Variants in ZNF438 observed in about 807,000 individuals in gnomAD.
ZNF438 encodes zinc finger protein 438.
Under a neutral mutation model 38.0 loss-of-function variants are expected in ZNF438, and 25 were observed. That is an observed-to-expected ratio of 0.66 (90% CI 0.48 to 0.92). The LOEUF (loss-of-function observed/expected upper bound fraction) is 0.92. ZNF438 is among the 40% of genes least tolerant of loss of function. ZNF438 has a pLI of 0.00. For synonymous variants in ZNF438, 372 were observed against 364.1 expected (o/e 1.02, Z -0.25); for missense variants, 1,007 against 999.6 (o/e 1.01, Z -0.10).
intron 1 of ZNF438, among the ~76,000 whole-genome samples, chr10:30,975,192 C>T (rs1489628065): frequency 6.6e-6 from 1 of 152,180 alleles, no homozygotes; most frequent in Non-Finnish European, 1.5e-5. Context: ...CAAGACAAGA[C>T]TGAATGTCCT....
intron 2 of ZNF438, among the ~76,000 whole-genome samples, chr10:30,914,588 A>G (rs1246550477): frequency 6.6e-6 from 1 of 152,062 alleles, no homozygotes; most frequent in African/African-American, 2.4e-5. Flanking sequence ...TTGTAACTGC[A>G]TGCAAATTTA....
chr10:30,863,198 G>A (rs2035874327), intron 4 of ZNF438, among the ~76,000 whole-genome samples: 1 of 152,192 alleles, frequency 6.6e-6, no homozygotes, highest in Non-Finnish European at 1.5e-5. Flanking sequence ...ATTTCTGCTG[G>A]TAAGTCTTGA....
At chr10:30,883,098 G>A (rs922974787) in intron 3 of ZNF438, among the ~76,000 whole-genome samples, 4 of 152,070 alleles carry the variant, frequency 2.6e-5, no homozygotes, top group African/African-American at 9.7e-5. Context: ...ATTTATAGAA[G>A]ACAACATTTA....
At chr10:30,938,773 C>T (rs1016724602) in intron 2 of ZNF438, among the ~76,000 whole-genome samples, 5 of 135,478 alleles carry the variant, frequency 3.7e-5, no homozygotes, top group Non-Finnish European at 8.0e-5. Flanking sequence ...CCCAGGGAAG[C>T]AAACTTTATT....
intron 1 of ZNF438, among the ~76,000 whole-genome samples, chr10:30,980,367 T>C (rs1285711492): frequency 1.3e-5 from 2 of 151,880 alleles, no homozygotes; most frequent in East Asian, 3.9e-4. Flanking sequence ...AGGTGACTTA[T>C]GACAGTGACT....
exon 5 of ZNF438, chr10:30,848,618 G>A (rs1004984505): frequency 6.2e-7 from 1 of 1,614,188 alleles, no homozygotes. Context: ...CGCAGGCTCA[G>A]TGCTGATCAC....
At position 30,977,983 on chromosome 10, in the gene ZNF438, G is replaced by GA. The variant is rs775131546; in HGVS notation, c.-191-36333dup. 6.1e-3 allele frequency among the ~76,000 whole-genome samples: 815 copies of GA among 133,948 alleles called. 8 individuals carry two copies. Among genetic ancestry groups the GA allele is most frequent in the African/African-American group, 0.019 (703 of 36,562 alleles). The allele number at this position is 133,948 out of a possible 152,430, so 87.9% of individuals were successfully genotyped here. A position where few individuals can be genotyped will look rare whatever the true frequency, so the allele number is the denominator to read the frequency against. On this transcript the variant is annotated intron_variant, in intron 1 of 5. Coordinates refer to ENST00000413025, the Ensembl canonical transcript of ZNF438. ...GGTGACAGAGCAAGACTCCGTCTCCGAAAAAAAAAAAAAGATTCTAAGGGA... is the reference window on the plus strand; with the variant it reads ...GGTGACAGAGCAAGACTCCGTCTCCGAAAAAAAAAAAAAAGATTCTAAGGGA...
At chr10:30,875,382 A>C (rs1398273629) in intron 4 of ZNF438, 1 of 984,664 alleles carries the variant, frequency 1.0e-6, no homozygotes, top group African/African-American at 1.7e-5. Context: ...TTCAATGAGA[A>C]AACTGAGGCT....
intron 3 of ZNF438, among the ~76,000 whole-genome samples, chr10:30,889,826 T>G (rs567472465): frequency 7.2e-5 from 11 of 152,112 alleles, no homozygotes; most frequent in Non-Finnish European, 1.5e-4. Flanking sequence ...AGTGGGGAGA[T>G]GTACATTTCT....
intron 1 of ZNF438, among the ~76,000 whole-genome samples, chr10:31,008,944 T>A (rs757882013): frequency 8.5e-5 from 13 of 152,218 alleles, no homozygotes; most frequent in Non-Finnish European, 1.9e-4. Flanking sequence ...TGCTTTTGAT[T>A]ACAGCTAACT....
chr10:30,901,580 G>C (rs1297235157), intron 3 of ZNF438, among the ~76,000 whole-genome samples: 5 of 152,164 alleles, frequency 3.3e-5, no homozygotes, highest in Admixed American at 3.3e-4. Context: ...AAATAGGACA[G>C]AATAGCAACC....
intron 4 of ZNF438, among the ~76,000 whole-genome samples, chr10:30,874,713 T>C (rs1207600935): frequency 1.3e-5 from 2 of 151,878 alleles, no homozygotes; most frequent in African/African-American, 4.8e-5. Flanking sequence ...TAATTAAGCA[T>C]AGTATGTTTG....
At chr10:30,966,475 C>T (rs569255672) in intron 1 of ZNF438, among the ~76,000 whole-genome samples, 67 of 152,106 alleles carry the variant, frequency 4.4e-4, no homozygotes, top group Non-Finnish European at 7.6e-4. Flanking sequence ...TCAAGACCAT[C>T]CTGGCTAACA....
intron 2 of ZNF438, among the ~76,000 whole-genome samples, chr10:30,941,329 C>T (rs2046802168): frequency 6.6e-6 from 1 of 152,174 alleles, no homozygotes; most frequent in South Asian, 2.1e-4. Context: ...ATCTCGGCCT[C>T]CCAAAGTGCT....
intron 1 of ZNF438, among the ~76,000 whole-genome samples, chr10:31,015,915 C>T (rs560078815): frequency 6.6e-6 from 1 of 152,272 alleles, no homozygotes; most frequent in South Asian, 2.1e-4. Context: ...ATAGGGGCAC[C>T]AGTTCTATCT....
chr10:31,010,574 T>C (rs2055576088), intron 1 of ZNF438, among the ~76,000 whole-genome samples: 1 of 152,170 alleles, frequency 6.6e-6, no homozygotes, highest in Non-Finnish European at 1.5e-5. Flanking sequence ...AAATTGAACA[T>C]GTTTAATTAG....
upstream of ZNF438, chr10:31,032,060 G>A (rs1256717054): frequency 6.6e-6 from 1 of 152,280 alleles, no homozygotes; most frequent in Non-Finnish European, 1.5e-5. Context: ...GCATGCCTGT[G>A]GGCTTCGCCG....
chr10:30,845,585 A>C lies in ZNF438; in HGVS notation c.1875-12T>G, dbSNP rs139096000. On this transcript the variant is annotated splice_polypyrimidine_tract_variant and intron_variant, in intron 5 of 5. Transcript: ENST00000413025. ...TGGACTTGTTTTCCCTGAAAAGGCC[A>C]ATAATAATGAAGATAAGATTTCATG... The C allele has an allele frequency of 9.4e-5, 150 of 1,597,802 alleles. No homozygotes were observed. The highest frequency in any genetic ancestry group is 1.2e-4 in the Non-Finnish European group (141 of 1,173,490).
exon 5 of ZNF438, chr10:30,849,645 C>A (rs908093191): frequency 6.2e-7 from 1 of 1,614,050 alleles, no homozygotes; most frequent in Non-Finnish European, 8.5e-7. Flanking sequence ...TCACTGGCAA[C>A]AGCAGAAGGT....
Sources: allele counts gnomAD v4.1 joint callset (sites outside exome capture counted in the v4.1 genomes callset), GRCh38; gene constraint gnomAD v4.1.1; transcripts MANE v1.5; gene names NCBI Gene and HGNC (gene_info 2026-07-23, HGNC 2026-07-21).